SLC9C1: variants seen among roughly 807,000 people sequenced by gnomAD.
SLC9C1 encodes solute carrier family 9 member C1.
SLC9C1 carries 97 observed loss-of-function variants against 140.9 expected under a neutral mutation model. The observed-to-expected ratio is 0.69, with a 90% confidence interval of 0.58 to 0.82. The LOEUF (loss-of-function observed/expected upper bound fraction) is 0.82. Ranked by LOEUF, SLC9C1 falls within the 40% of genes least tolerant of loss-of-function variation. The pLI is 0.00. For missense variants in SLC9C1, 1,340 were observed against 1,389.3 expected (o/e 0.96, Z 0.56); for synonymous variants, 440 against 442.6 (o/e 0.99, Z 0.07).
chr3:112,225,052 G>T (rs1330346877), intron 13 of SLC9C1, among the ~76,000 whole-genome samples: 1 of 152,066 alleles, frequency 6.6e-6, no homozygotes, highest in Non-Finnish European at 1.5e-5. Context: ...TCCCCCAAAA[G>T]ATTCAACCTA....
intron 27 of SLC9C1, 73 bp downstream of exon 27, chr3:112,154,924 T>C: frequency 7.2e-7 from 1 of 1,391,086 alleles, no homozygotes; most frequent in East Asian, 2.3e-5. Context: ...GAGAAACACA[T>C]TGGTAGTTTC....
chr3:112,171,234 A>G (rs965395143), intron 23 of SLC9C1, among the ~76,000 whole-genome samples: 1 of 152,078 alleles, frequency 6.6e-6, no homozygotes, highest in African/African-American at 2.4e-5. Context: ...AAGAAAAGAA[A>G]AGAAAAGAAA....
intron 28 of SLC9C1, among the ~76,000 whole-genome samples, chr3:112,148,245 T>G (rs2074860903): frequency 6.6e-6 from 1 of 152,156 alleles, no homozygotes; most frequent in Non-Finnish European, 1.5e-5. Flanking sequence ...TGCTTTGACT[T>G]CCTTATCTGT....
intron 26 of SLC9C1, among the ~76,000 whole-genome samples, chr3:112,165,272 C>T (rs544438755): frequency 1.3e-5 from 2 of 152,314 alleles, no homozygotes; most frequent in South Asian, 2.1e-4. Context: ...TCTCTCAACT[C>T]GTCAAAGTCA....
At chr3:112,268,733 T>C (rs531760145) in intron 7 of SLC9C1, among the ~76,000 whole-genome samples, 6 of 152,328 alleles carry the variant, frequency 3.9e-5, no homozygotes, top group Non-Finnish European at 8.8e-5. Context: ...TGTTCCCCCT[T>C]ATTGTATTAG....
At position 112,183,349 on chromosome 3, in the gene SLC9C1, C is replaced by CTTTTTTTTTTTTTTTTTTTTTTTTTT. The variant is rs200437815; in HGVS notation, c.2524-1092_2524-1091insAAAAAAAAAAAAAAAAAAAAAAAAAA. ...ACGACAATGATATTTAGCACCTTTTCTTTTTTTTTTTTTTTTTTTTTCAGC... is the reference window on the plus strand; with the variant it reads ...ACGACAATGATATTTAGCACCTTTTCTTTTTTTTTTTTTTTTTTTTTTTTTTTTTTTTTTTTTTTTTTTTTTTCAGC... On this transcript the variant is annotated intron_variant, in intron 20 of 28. Transcript: ENST00000305815. 4.4e-3 allele frequency among the ~76,000 whole-genome samples: 421 copies of CTTTTTTTTTTTTTTTTTTTTTTTTTT among 95,334 alleles called. 65 individuals are homozygous for CTTTTTTTTTTTTTTTTTTTTTTTTTT. Among genetic ancestry groups the CTTTTTTTTTTTTTTTTTTTTTTTTTT allele is most frequent in the Middle Eastern group, 0.011 (2 of 184 alleles). The allele number at this position is 95,334 out of a possible 152,430, so 62.5% of individuals were successfully genotyped here.
intron 20 of SLC9C1, among the ~76,000 whole-genome samples, chr3:112,191,995 T>C (rs1347799328): frequency 6.6e-6 from 1 of 152,124 alleles, no homozygotes; most frequent in African/African-American, 2.4e-5. Flanking sequence ...CTTCACTATT[T>C]GATTATTATG....
intron 20 of SLC9C1, among the ~76,000 whole-genome samples, chr3:112,186,190 T>C (rs1016994435): frequency 6.6e-6 from 1 of 152,198 alleles, no homozygotes; most frequent in African/African-American, 2.4e-5. Flanking sequence ...GGACTTTTAG[T>C]TCTCTTAATT....
intron 10 of SLC9C1, among the ~76,000 whole-genome samples, chr3:112,244,339 A>G (rs2079220138): frequency 6.6e-6 from 1 of 152,230 alleles, no homozygotes; most frequent in Non-Finnish European, 1.5e-5. Context: ...ATACTTATAC[A>G]GACATTGGGA....
intron 2 of SLC9C1, among the ~76,000 whole-genome samples, chr3:112,282,196 C>G (rs1270793021): frequency 6.6e-6 from 1 of 152,180 alleles, no homozygotes; most frequent in Non-Finnish European, 1.5e-5. Context: ...GATCTTGAAG[C>G]ATTTCACTGA....
At chr3:112,282,176 A>C (rs2080375029) in intron 2 of SLC9C1, among the ~76,000 whole-genome samples, 1 of 152,224 alleles carries the variant, frequency 6.6e-6, no homozygotes. Context: ...ATTTTAATAA[A>C]TGGGCTCATG....
At chr3:112,246,340 G>C (rs1284423570) in intron 10 of SLC9C1, among the ~76,000 whole-genome samples, 1 of 152,022 alleles carries the variant, frequency 6.6e-6, no homozygotes, top group Non-Finnish European at 1.5e-5. Context: ...AACCTTTAAA[G>C]TTTCCTTCAG....
At chr3:112,163,639 G>A (rs2075373981) in intron 26 of SLC9C1, among the ~76,000 whole-genome samples, 1 of 152,008 alleles carries the variant, frequency 6.6e-6, no homozygotes, top group Non-Finnish European at 1.5e-5. Context: ...CTGAGAGACA[G>A]TTTGTTATAA....
intron 10 of SLC9C1, among the ~76,000 whole-genome samples, chr3:112,257,234 T>C (rs1201713209): frequency 6.6e-6 from 1 of 152,076 alleles, no homozygotes; most frequent in Non-Finnish European, 1.5e-5. Context: ...AGAGCCCAAA[T>C]AGCCAGGGTA....
intron 5 of SLC9C1, 117 bp downstream of exon 5, chr3:112,277,578 A>G: frequency 4.6e-6 from 4 of 867,018 alleles, no homozygotes; most frequent in East Asian, 3.1e-5. Context: ...TCAACCCCCA[A>G]TCCCTCACTA....
At chr3:112,230,744 G>A (rs541149644) in intron 13 of SLC9C1, among the ~76,000 whole-genome samples, 6 of 152,260 alleles carry the variant, frequency 3.9e-5, no homozygotes, top group Non-Finnish European at 7.4e-5. Context: ...AACACCCTAA[G>A]AGGACAATTC....
chr3:112,261,740 T>A (rs2079778341), intron 10 of SLC9C1, among the ~76,000 whole-genome samples: 1 of 152,090 alleles, frequency 6.6e-6, no homozygotes, highest in Non-Finnish European at 1.5e-5. Context: ...TATAATTTCA[T>A]CATCAGAGCT....
At chr3:112,178,177 T>C (rs2077374985) in intron 23 of SLC9C1, among the ~76,000 whole-genome samples, 1 of 151,944 alleles carries the variant, frequency 6.6e-6, no homozygotes, top group African/African-American at 2.4e-5. Flanking sequence ...TCTGGCTCTG[T>C]TACCAGTCTG....
At chr3:112,156,035 GC>G (rs1296246171) in intron 26 of SLC9C1, among the ~76,000 whole-genome samples, 3 of 151,774 alleles carry the variant, frequency 2.0e-5, no homozygotes, top group Non-Finnish European at 4.4e-5. Flanking sequence ...TTCTCTTCTG[GC>G]TATTTGGAAA....
Sources: gnomAD v4.1 joint callset for allele counts (sites outside exome capture counted in the v4.1 genomes callset) on GRCh38, gnomAD v4.1.1 for gene constraint, MANE v1.5 for transcripts, NCBI Gene and HGNC (gene_info 2026-07-23, HGNC 2026-07-21) for gene names.